OR10R2: variants seen among roughly 807,000 people sequenced by gnomAD.
OR10R2 encodes the protein olfactory receptor 10R2.
Under a neutral mutation model 2.4 loss-of-function variants are expected in OR10R2, and 1 was observed. The observed-to-expected ratio is 0.41, with a 90% CI of 0.15 to 1.95. The LOEUF (loss-of-function observed/expected upper bound fraction) is 1.95. Ranked by LOEUF, OR10R2 falls within the 30% of genes most tolerant of loss-of-function variation. OR10R2 has a pLI of 0.30. For synonymous variants in OR10R2, 166 were observed against 144.8 expected, an observed-to-expected ratio of 1.15 and a Z score of -1.05; for missense variants, 419 against 373.0, an observed-to-expected ratio of 1.12 and a Z score of -1.01.
chr1:158,479,853 C>T, intron 1 of OR10R2, 85 bp from the exon 2 acceptor site: 2 of 1,407,278 alleles, frequency 1.4e-6, no homozygotes, highest in Non-Finnish European at 2.0e-6. Context: ...TTCTTTGTCA[C>T]CACCTGAAAG....
At chr1:158,479,999 G>C (rs765196136) in exon 2 of OR10R2, 1 of 1,613,902 alleles carries the variant, frequency 6.2e-7, no homozygotes, top group Non-Finnish European at 8.5e-7. Flanking sequence ...TCCAGCCTTG[G>C]TGAAATTCAG....
Position 158,479,777 on chromosome 1 carries a change from G to A in OR10R2, c.28-161G>A, listed in dbSNP as rs12082187. ...TGTTGACTTTGAAGATGGAAGAAGA[G>A]GACCATGAACCAATGAACATGAGAG... On this transcript the variant is annotated intron_variant, in intron 1 of 1. Coordinates refer to ENST00000641067, the Ensembl canonical transcript of OR10R2. 4.4e-4 allele frequency: 303 copies of A among 686,934 alleles called. 1 individual carries two copies. In the African/African-American group the frequency reaches 4.9e-3, roughly 11 times the overall value. The allele number at this position is 686,934 out of a possible 1,614,324, so 42.6% of individuals were successfully genotyped here. A position where few individuals can be genotyped will look rare whatever the true frequency, so the allele number is the denominator to read the frequency against.
rs752685108 is a variant in OR10R2, at chr1:158,480,716, T to C, written c.806T>C (p.Leu269Pro). 1.7e-5 allele frequency: 27 copies of C among 1,612,742 alleles called. No homozygotes were observed. In the South Asian group the frequency reaches 3.0e-4, roughly 18 times the overall value. ...TATGGCTGTGCTTCCTTCATCTACC[T>C]GAGGCCTACAGCAAACTATGTGTCC... Residue 269 changes from leucine (L) to proline (P), a missense_variant, in exon 2 of 2, where the codon CTG becomes CCG. Coordinates refer to ENST00000641067, the Ensembl canonical transcript of OR10R2.
chr1:158,475,365 G>A (rs2101672649), intron 1 of OR10R2, among the ~76,000 whole-genome samples: 1 of 151,968 alleles, frequency 6.6e-6, no homozygotes, highest in East Asian at 1.9e-4. Context: ...AAATTTCTTG[G>A]CATAAACAAA....
chr1:158,475,593 T>G (rs992065116), intron 1 of OR10R2, among the ~76,000 whole-genome samples: 1 of 151,802 alleles, frequency 6.6e-6, no homozygotes, highest in African/African-American at 2.4e-5. Context: ...AAGTTTGTTA[T>G]TTTCTCCATC....
At chr1:158,479,430 C>A (rs2101675320) in intron 1 of OR10R2, among the ~76,000 whole-genome samples, 1 of 152,194 alleles carries the variant, frequency 6.6e-6, no homozygotes, top group Admixed American at 6.5e-5. Context: ...CTGTATATGT[C>A]TCACACTTTT....
chr1:158,472,225 A>C, exon 1 of OR10R2: 1 of 398,620 alleles, frequency 2.5e-6, no homozygotes, highest in African/African-American at 2.1e-5. Flanking sequence ...TAGATAGTAA[A>C]ATTACCAAGC....
chr1:158,480,806 A>G, exon 2 of OR10R2: 5 of 1,611,522 alleles, frequency 3.1e-6, no homozygotes, highest in Non-Finnish European at 4.2e-6. Context: ...CCCATGGTTT[A>G]TAGCCTCAGA....
chr1:158,476,363 C>T (rs1453635058), intron 1 of OR10R2, among the ~76,000 whole-genome samples: 3 of 151,548 alleles, frequency 2.0e-5, no homozygotes, highest in South Asian at 2.1e-4. Flanking sequence ...CTGGCTAAGG[C>T]GGTGAAACCC....
rs201410055 is a variant in OR10R2 at position 158,474,941 on chromosome 1, A to T, written c.27+2589A>T. On this transcript the variant is annotated intron_variant, in intron 1 of 1. Coordinates refer to ENST00000641067, the Ensembl canonical transcript of OR10R2. ...TCCTATAAGACAAAGAGACCAGCAA[A>T]AAAAAATTAATAATAGTTAAGAAAA... is the stretch of plus-strand genomic sequence containing the variant. Among the ~76,000 whole-genome samples, 5 of 152,268 alleles carry T rather than the reference A, an allele frequency of 3.3e-5. No individual in the cohort carries two copies. In the East Asian group the frequency reaches 9.6e-4, roughly 29 times the overall value.
exon 2 of OR10R2, chr1:158,480,132 T>C (rs1483900230): frequency 6.2e-7 from 1 of 1,613,712 alleles, no homozygotes; most frequent in South Asian, 1.1e-5. Flanking sequence ...TCCTTGGCAT[T>C]CTCTCAACAT....
chr1:158,473,195 T>C (rs1656195225), intron 1 of OR10R2, among the ~76,000 whole-genome samples: 1 of 152,178 alleles, frequency 6.6e-6, no homozygotes, highest in South Asian at 2.1e-4. Flanking sequence ...TTTGTCAGAT[T>C]TTGAATATTT....
At chr1:158,479,797 T>A (rs1262141323) in intron 1 of OR10R2, 141 bp from the exon 2 acceptor site, 5 of 782,128 alleles carry the variant, frequency 6.4e-6, no homozygotes, top group Non-Finnish European at 1.1e-5. Context: ...CCAATGAACA[T>A]GAGAGGTAGT....
At chr1:158,476,256 A>T (rs1274104489) in intron 1 of OR10R2, among the ~76,000 whole-genome samples, 1 of 152,010 alleles carries the variant, frequency 6.6e-6, no homozygotes, top group Non-Finnish European at 1.5e-5. Flanking sequence ...TTTTAAAAAA[A>T]ATTTAAGTAG....
chr1:158,475,138 C>A (rs1324962919), intron 1 of OR10R2, among the ~76,000 whole-genome samples: 5 of 151,968 alleles, frequency 3.3e-5, no homozygotes, highest in Admixed American at 3.3e-4. Flanking sequence ...GAACTGGTAC[C>A]CAAAGCCAAG....
chr1:158,475,100 T>G (rs1418832727), intron 1 of OR10R2, among the ~76,000 whole-genome samples: 1 of 151,490 alleles, frequency 6.6e-6, no homozygotes, highest in African/African-American at 2.4e-5. Flanking sequence ...TTAAATAAAT[T>G]GTCTAAGGTT....
intron 1 of OR10R2, among the ~76,000 whole-genome samples, chr1:158,478,222 A>G (rs1358626008): frequency 6.6e-6 from 1 of 152,220 alleles, no homozygotes; most frequent in African/African-American, 2.4e-5. Flanking sequence ...AACCTGGGGA[A>G]TACTATTCTC....
At chr1:158,473,724 CCTTT>C (rs1436934617) in intron 1 of OR10R2, among the ~76,000 whole-genome samples, 1 of 150,546 alleles carries the variant, frequency 6.6e-6, no homozygotes, top group Non-Finnish European at 1.5e-5. Flanking sequence ...TTTTTTCTTC[CCTTT>C]CTTTCCTTCC....
At chr1:158,480,665 C>T in exon 2 of OR10R2, 12 of 1,613,966 alleles carry the variant, frequency 7.4e-6, no homozygotes, top group Non-Finnish European at 1.0e-5. Flanking sequence ...ACCTGCGCCT[C>T]TCACCTCAGT....
Sources: allele counts gnomAD v4.1 joint callset (sites outside exome capture counted in the v4.1 genomes callset), GRCh38; gene constraint gnomAD v4.1.1; transcripts MANE v1.5; gene names NCBI Gene and HGNC (gene_info 2026-07-23, HGNC 2026-07-21).